FRMD4B: variants seen among roughly 807,000 people sequenced by gnomAD.
FRMD4B encodes FERM domain containing 4B, also known as FERM domain-containing protein 4B.
In FRMD4B, 74 loss-of-function variants were observed where a neutral mutation model predicts 141.5. That is an observed-to-expected ratio of 0.52 (90% confidence interval 0.43 to 0.63). FRMD4B has a LOEUF of 0.63. Among genes scored for constraint, FRMD4B ranks in the 30% least tolerant of loss-of-function variants. The pLI, the probability that FRMD4B is intolerant of heterozygous loss-of-function variation, is 0.00. For missense variants in FRMD4B, 1,366 were observed against 1,253.4 expected (o/e 1.09, Z -1.36); for synonymous variants, 506 against 467.9 (o/e 1.08, Z -1.05).
intron 1 of FRMD4B, among the ~76,000 whole-genome samples, chr3:69,447,760 T>C (rs958362858): frequency 6.6e-6 from 1 of 152,214 alleles, no homozygotes. Flanking sequence ...TACGTATTAC[T>C]TTTTCTAGAA....
intron 1 of FRMD4B, among the ~76,000 whole-genome samples, chr3:69,436,862 T>G (rs1234431077): frequency 3.9e-5 from 6 of 152,204 alleles, no homozygotes; most frequent in African/African-American, 1.4e-4. Context: ...ACAAATATTG[T>G]ATGATTCCAC....
chr3:69,346,588 T>C (rs13082263), intron 1 of FRMD4B, among the ~76,000 whole-genome samples: 79,916 of 151,912 alleles, frequency 0.53, 21,493 homozygotes, highest in Admixed American at 0.57. Context: ...AGAGAAAGGT[T>C]GGGTTACCCA....
At chr3:69,536,107 GC>G in intron 1 of FRMD4B, 1 of 472,250 alleles carries the variant, frequency 2.1e-6, no homozygotes, top group South Asian at 2.0e-5. Context: ...TGCCTTGCTT[GC>G]CGGCCTTCTC....
intron 1 of FRMD4B, among the ~76,000 whole-genome samples, chr3:69,318,113 G>T (rs1701866278): frequency 6.6e-6 from 1 of 151,986 alleles, no homozygotes; most frequent in Non-Finnish European, 1.5e-5. Context: ...CTGGGACTAT[G>T]GGTACATGCC....
chr3:69,278,961 C>G (rs1185413422), intron 5 of FRMD4B, among the ~76,000 whole-genome samples: 1 of 152,196 alleles, frequency 6.6e-6, no homozygotes, highest in Non-Finnish European at 1.5e-5. Flanking sequence ...TGCTCAGTCT[C>G]TCCAAGGTCC....
At position 69,506,134 on chromosome 3, in the gene FRMD4B, C is replaced by T. The variant is rs192940812; in HGVS notation, c.-129+36072G>A. On this transcript the variant is annotated intron_variant, in intron 1 of 5. Transcript: ENST00000459638. ...GCAACAAAGGTGGTTAAAAATACTC[C>T]ATTCTTTGTACAAAGACCATCCACT... Among the ~76,000 whole-genome samples the T allele has an allele frequency of 2.8e-4, 43 of 152,248 alleles. 1 individual carries two copies. The East Asian group carries it at 7.7e-3, about 27-fold the overall frequency.
intron 7 of FRMD4B, among the ~76,000 whole-genome samples, chr3:69,228,803 C>T (rs2093278469): frequency 6.7e-6 from 1 of 149,116 alleles, no homozygotes; most frequent in South Asian, 2.1e-4. Flanking sequence ...CAATATATTA[C>T]AGCCTGGGCA....
chr3:69,541,543 A>G (rs1418008264), intron 1 of FRMD4B, among the ~76,000 whole-genome samples: 1 of 152,190 alleles, frequency 6.6e-6, no homozygotes, highest in African/African-American at 2.4e-5. Flanking sequence ...AAAGCACAGG[A>G]CATCCAATGC....
At chr3:69,241,276 A>G (rs769665735) in intron 7 of FRMD4B, among the ~76,000 whole-genome samples, 7 of 152,182 alleles carry the variant, frequency 4.6e-5, no homozygotes, top group South Asian at 2.1e-4. Context: ...CTCTGATTCT[A>G]TGGTTCATAG....
rs147803341 is a variant in FRMD4B at position 69,455,278 on chromosome 3, T to C, written c.-128-22517A>G. ...GCCAGAGGCCACAGCAGTGATAGGTTCAGGTCTGTTTACATAATGTGGGAG... is the reference window on the plus strand; with the variant it reads ...GCCAGAGGCCACAGCAGTGATAGGTCCAGGTCTGTTTACATAATGTGGGAG... On this transcript the variant is annotated intron_variant, in intron 1 of 5. Coordinates refer to the FRMD4B transcript ENST00000459638. Among the ~76,000 whole-genome samples the C allele has an allele frequency of 4.3e-4, 65 of 152,342 alleles. 1 individual carries two copies. Among genetic ancestry groups the C allele is most frequent in the Non-Finnish European group, 6.5e-4 (44 of 68,030 alleles).
At chr3:69,246,056 C>G (rs919567252) in intron 7 of FRMD4B, among the ~76,000 whole-genome samples, 4 of 152,022 alleles carry the variant, frequency 2.6e-5, no homozygotes, top group Admixed American at 6.6e-5. Context: ...AGGCTGGTCT[C>G]GAATTCCCGA....
chr3:69,541,789 T>TCCCC (rs56146632), intron 1 of FRMD4B, among the ~76,000 whole-genome samples: 18,838 of 145,726 alleles, frequency 0.13, 1,232 homozygotes, highest in Non-Finnish European at 0.15. Flanking sequence ...TCCAGGGATT[T>TCCCC]CCCCCCCCTC....
intron 11 of FRMD4B, among the ~76,000 whole-genome samples, chr3:69,210,275 T>A (rs917819621): frequency 2.8e-4 from 42 of 152,360 alleles, no homozygotes; most frequent in Admixed American, 1.2e-3. Flanking sequence ...CCAGGGGAAG[T>A]ATTTGCCGAA....
In FRMD4B at chr3:69,270,426, A is replaced by T. The variant is rs2093588678; in HGVS notation, c.501+17326T>A. ...TAGATGACAGATAGATGACAGATGT[A>T]CAGGTAAATAGGTAGAAAGATGGAC... On this transcript the variant is annotated intron_variant, in intron 5 of 22. Transcript: ENST00000398540. Among the ~76,000 whole-genome samples the T allele has an allele frequency of 2.0e-5, 3 of 152,364 alleles. No individual in the cohort carries two copies. In the South Asian group the frequency reaches 6.2e-4, roughly 32 times the overall value.
At chr3:69,277,688 C>T (rs184664284) in intron 5 of FRMD4B, among the ~76,000 whole-genome samples, 56 of 151,426 alleles carry the variant, frequency 3.7e-4, no homozygotes, top group African/African-American at 1.2e-3. Flanking sequence ...CGCACCACCA[C>T]GCCCAGCTAA....
intron 5 of FRMD4B, among the ~76,000 whole-genome samples, chr3:69,270,626 C>A (rs975452557): frequency 6.8e-6 from 1 of 146,322 alleles, no homozygotes; most frequent in African/African-American, 2.5e-5. Flanking sequence ...AGTGCAGTGG[C>A]AGAATCTCGG....
chr3:69,373,465 A>T (rs550013423), intron 1 of FRMD4B, among the ~76,000 whole-genome samples: 1 of 152,356 alleles, frequency 6.6e-6, no homozygotes, highest in East Asian at 1.9e-4. Flanking sequence ...AACAATTTCT[A>T]TATTTGCCAA....
intron 3 of FRMD4B, among the ~76,000 whole-genome samples, chr3:69,305,607 G>A (rs1701365586): frequency 6.6e-6 from 1 of 152,102 alleles, no homozygotes; most frequent in Admixed American, 6.6e-5. Context: ...AAGCAAAATA[G>A]GCTAGACATG....
chr3:69,305,803 T>C (rs142790206), intron 3 of FRMD4B, among the ~76,000 whole-genome samples: 1 of 152,352 alleles, frequency 6.6e-6, no homozygotes, highest in African/African-American at 2.4e-5. Flanking sequence ...TTGCATGGAA[T>C]GGTGTCTATG....
Sources: allele counts gnomAD v4.1 joint callset (sites outside exome capture counted in the v4.1 genomes callset), GRCh38; gene constraint gnomAD v4.1.1; transcripts MANE v1.5; gene names NCBI Gene and HGNC (gene_info 2026-07-23, HGNC 2026-07-21).